LINGO1: variants seen among roughly 807,000 people sequenced by gnomAD.
LINGO1 encodes leucine-rich repeat and immunoglobulin-like domain-containing nogo receptor-interacting protein 1.
A neutral mutation model predicts 37.3 loss-of-function variants in LINGO1; 11 were observed. The ratio of observed to expected loss-of-function variants is 0.29; its 90% CI spans 0.19 to 0.49. The LOEUF (loss-of-function observed/expected upper bound fraction) is 0.49. Ranked by LOEUF, LINGO1 falls within the 20% of genes least tolerant of loss-of-function variation. The pLI is 0.99. For synonymous variants in LINGO1, 387 were observed against 403.0 expected (o/e 0.96, Z 0.48); for missense variants, 585 against 878.2 (o/e 0.67, Z 4.22).
upstream of LINGO1, among the ~76,000 whole-genome samples, chr15:77,696,829 G>A (rs1208780404): frequency 1.3e-5 from 2 of 152,252 alleles, no homozygotes; most frequent in South Asian, 2.1e-4. Flanking sequence ...ACTGGGTACC[G>A]GGGCCTGCCC....
At chr15:77,797,311 C>T (rs944409598) in intron 1 of LINGO1, among the ~76,000 whole-genome samples, 1 of 152,198 alleles carries the variant, frequency 6.6e-6, no homozygotes, top group African/African-American at 2.4e-5. Context: ...CTGTGTTTCC[C>T]AAAGTAGGAG....
At chr15:77,624,038 G>A (rs984124829) in intron 1 of LINGO1, among the ~76,000 whole-genome samples, 23 of 149,484 alleles carry the variant, frequency 1.5e-4, no homozygotes, top group Non-Finnish European at 2.8e-4. Context: ...CACTGTGTGA[G>A]TGTGGTGTGT....
At chr15:77,698,154 G>T (rs1360332364), upstream of LINGO1, among the ~76,000 whole-genome samples, 5 of 152,130 alleles carry the variant, frequency 3.3e-5, no homozygotes, top group Admixed American at 6.5e-5. Flanking sequence ...GATGAGGGAG[G>T]GTTCTGGGAG....
chr15:77,777,900 G>A (rs1391168823), intron 1 of LINGO1, among the ~76,000 whole-genome samples: 3 of 151,546 alleles, frequency 2.0e-5, no homozygotes, highest in Non-Finnish European at 4.4e-5. Flanking sequence ...TTCCTGTCTG[G>A]GCAGCAGAGC....
At position 77,663,977 on chromosome 15, in the gene LINGO1, T is replaced by C. The variant is rs1472445812; in HGVS notation, c.-13+13112A>G. ...AAGGCAGAGCCCCTCTGGCAGAGGC[T>C]GGGGCAGGACCCGGGCAAGCCTTGC... On this transcript the variant is annotated intron_variant, in intron 3 of 3. Coordinates refer to the LINGO1 transcript ENST00000559893. 3.9e-5 allele frequency among the ~76,000 whole-genome samples: 6 copies of C among 152,268 alleles called. No individual in the cohort carries two copies. In the East Asian group the frequency reaches 1.2e-3, roughly 29 times the overall value.
upstream of LINGO1, among the ~76,000 whole-genome samples, chr15:77,636,791 G>A (rs2074405774): frequency 6.6e-6 from 1 of 152,144 alleles, no homozygotes; most frequent in Non-Finnish European, 1.5e-5. Context: ...CCACCACAGA[G>A]ACCCACAGCC....
At chr15:77,783,971 A>G (rs1000803127) in intron 1 of LINGO1, among the ~76,000 whole-genome samples, 1 of 152,226 alleles carries the variant, frequency 6.6e-6, no homozygotes, top group Non-Finnish European at 1.5e-5. Context: ...GGTTTGGCAC[A>G]GAGACATTAG....
At chr15:77,760,767 G>T (rs2076467600) in intron 1 of LINGO1, among the ~76,000 whole-genome samples, 1 of 152,168 alleles carries the variant, frequency 6.6e-6, no homozygotes, top group Non-Finnish European at 1.5e-5. Flanking sequence ...GGACACAGGA[G>T]GAGGAATAAG....
chr15:77,751,192 A>AATGGGGG (rs61378373), intron 1 of LINGO1, among the ~76,000 whole-genome samples: 1 of 152,050 alleles, frequency 6.6e-6, no homozygotes, highest in African/African-American at 2.4e-5. Context: ...TGCCCTCAAG[A>AATGGGGG]GGCCCCTCTC....
chr15:77,782,105 G>A (rs190483078), intron 1 of LINGO1, among the ~76,000 whole-genome samples: 9 of 152,348 alleles, frequency 5.9e-5, no homozygotes, highest in South Asian at 2.1e-4. Flanking sequence ...TTATGTTCCC[G>A]TGCTCTATTA....
At chr15:77,799,336 CAG>C (rs1215542339) in intron 1 of LINGO1, among the ~76,000 whole-genome samples, 1 of 152,182 alleles carries the variant, frequency 6.6e-6, no homozygotes, top group East Asian at 1.9e-4. Context: ...AAGGGTCCCT[CAG>C]AGTTTTAGGT....
At chr15:77,777,247 T>C (rs2076665880) in intron 1 of LINGO1, among the ~76,000 whole-genome samples, 1 of 133,094 alleles carries the variant, frequency 7.5e-6, no homozygotes, top group Admixed American at 7.4e-5. Context: ...TATTGATTAC[T>C]GTCGTTGTTA....
upstream of LINGO1, among the ~76,000 whole-genome samples, chr15:77,699,578 TAACCATCCCC>T (rs2075746926): frequency 1.0e-5 from 1 of 100,088 alleles, no homozygotes; most frequent in African/African-American, 3.9e-5. Context: ...AAGCACATAC[TAACCATCCCC>T]GCACACAGTA....
intron 1 of LINGO1, among the ~76,000 whole-genome samples, chr15:77,748,821 T>C (rs1445360065): frequency 1.3e-5 from 2 of 151,864 alleles, no homozygotes; most frequent in African/African-American, 2.4e-5. Context: ...AGTGCTGGGA[T>C]TATAGGCAAG....
chr15:77,690,085 G>C (rs1228450153), intron 2 of LINGO1, among the ~76,000 whole-genome samples: 1 of 152,172 alleles, frequency 6.6e-6, no homozygotes, highest in Non-Finnish European at 1.5e-5. Flanking sequence ...ATGATTATTT[G>C]TTATTTGCCT....
chr15:77,806,023 G>A (rs979087832), intron 1 of LINGO1, among the ~76,000 whole-genome samples: 3 of 152,266 alleles, frequency 2.0e-5, no homozygotes, highest in East Asian at 3.9e-4. Context: ...AGCTAAGCTC[G>A]AGGTTCCCTC....
chr15:77,786,175 C>T (rs1243300391), intron 1 of LINGO1, among the ~76,000 whole-genome samples: 1 of 152,176 alleles, frequency 6.6e-6, no homozygotes, highest in Non-Finnish European at 1.5e-5. Flanking sequence ...ATGCAAGACC[C>T]ACCAGCCCTG....
intron 3 of LINGO1, among the ~76,000 whole-genome samples, chr15:77,671,109 GC>G (rs2075240571): frequency 6.6e-6 from 1 of 152,196 alleles, no homozygotes; most frequent in South Asian, 2.1e-4. Flanking sequence ...AGCCCTTGCA[GC>G]ACCTCTGGGA....
At chr15:77,754,897 C>A (rs2076405072) in intron 1 of LINGO1, among the ~76,000 whole-genome samples, 1 of 152,262 alleles carries the variant, frequency 6.6e-6, no homozygotes, top group Admixed American at 6.5e-5. Flanking sequence ...AATGTCTTTG[C>A]CTATAAGATG....
Sources: allele counts gnomAD v4.1 joint callset (sites outside exome capture counted in the v4.1 genomes callset), GRCh38; gene constraint gnomAD v4.1.1; transcripts MANE v1.5; gene names NCBI Gene and HGNC (gene_info 2026-07-23, HGNC 2026-07-21).